The following GABRG3 variants were observed in gnomAD, a reference collection of about 807,000 sequenced individuals.
GABRG3 encodes the protein gamma-aminobutyric acid type A receptor subunit gamma3.
Under a neutral mutation model 48.8 loss-of-function variants are expected in GABRG3, and 25 were observed. That is an observed-to-expected ratio of 0.51 (90% CI 0.37 to 0.72). The LOEUF (loss-of-function observed/expected upper bound fraction) is 0.72, where lower values mean the gene tolerates loss of function less well. Among genes scored for constraint, GABRG3 ranks in the 30% least tolerant of loss-of-function variants. GABRG3 has a pLI of 0.00. For missense variants in GABRG3, 394 were observed against 577.9 expected, an observed-to-expected ratio of 0.68 and a Z score of 3.26; for synonymous variants, 227 against 217.6, an observed-to-expected ratio of 1.04 and a Z score of -0.38.
intron 5 of GABRG3, among the ~76,000 whole-genome samples, chr15:27,333,090 G>C (rs779577618): frequency 4.6e-5 from 7 of 151,978 alleles, no homozygotes; most frequent in Non-Finnish European, 8.8e-5. Flanking sequence ...TTTTGATATG[G>C]ACTCTTGGAC....
intron 5 of GABRG3, among the ~76,000 whole-genome samples, chr15:27,332,295 C>T (rs1425324585): frequency 1.3e-5 from 2 of 152,182 alleles, no homozygotes; most frequent in African/African-American, 2.4e-5. Context: ...GCGAGCAGAT[C>T]ACGAGGCCAG....
At chr15:27,141,540 A>G (rs961441648) in intron 3 of GABRG3, among the ~76,000 whole-genome samples, 1 of 152,238 alleles carries the variant, frequency 6.6e-6, no homozygotes, top group Non-Finnish European at 1.5e-5. Flanking sequence ...CCTATTCATA[A>G]GCAAAGAAAA....
chr15:27,222,383 A>G (rs1056730851), intron 3 of GABRG3, among the ~76,000 whole-genome samples: 1 of 152,352 alleles, frequency 6.6e-6, no homozygotes, highest in South Asian at 2.1e-4. Context: ...CTTAATACCA[A>G]ATAAGTATTA....
intron 2 of GABRG3, among the ~76,000 whole-genome samples, chr15:27,020,112 A>AG (rs1439502893): frequency 6.6e-6 from 1 of 152,070 alleles, no homozygotes; most frequent in Non-Finnish European, 1.5e-5. Context: ...TCTTCCACGT[A>AG]GGGGAACTGA....
chr15:27,224,804 C>G (rs1408466098), intron 3 of GABRG3, among the ~76,000 whole-genome samples: 2 of 152,204 alleles, frequency 1.3e-5, no homozygotes, highest in Non-Finnish European at 1.5e-5. Context: ...TTCCATCTAT[C>G]ATTCTGGCAG....
intron 3 of GABRG3, among the ~76,000 whole-genome samples, chr15:27,144,398 A>G (rs1898160069): frequency 2.6e-5 from 4 of 152,118 alleles, no homozygotes; most frequent in Admixed American, 2.6e-4. Context: ...CATTATTCAA[A>G]CTGTCTGGTA....
chr15:27,279,724 T>C (rs1657224081), intron 3 of GABRG3, among the ~76,000 whole-genome samples: 1 of 152,156 alleles, frequency 6.6e-6, no homozygotes, highest in South Asian at 2.1e-4. Flanking sequence ...TTCTTCTCTT[T>C]AAAAAATTTT....
intron 5 of GABRG3, among the ~76,000 whole-genome samples, chr15:27,351,882 GAT>G (rs1894621676): frequency 6.9e-6 from 1 of 144,426 alleles, no homozygotes; most frequent in Non-Finnish European, 1.5e-5. Flanking sequence ...GCGTATGTAT[GAT>G]GTGTGTGTAT....
At chr15:27,054,336 G>A (rs1242362032) in intron 3 of GABRG3, among the ~76,000 whole-genome samples, 1 of 152,088 alleles carries the variant, frequency 6.6e-6, no homozygotes, top group African/African-American at 2.4e-5. Context: ...TGGGAGATGG[G>A]ACCGATCAAA....
chr15:27,191,865 G>A (rs924594327), intron 3 of GABRG3, among the ~76,000 whole-genome samples: 2 of 151,846 alleles, frequency 1.3e-5, no homozygotes, highest in African/African-American at 2.4e-5. Flanking sequence ...GGCTGGTACC[G>A]GTTTTTCCTT....
intron 3 of GABRG3, among the ~76,000 whole-genome samples, chr15:27,304,325 A>G (rs953474165): frequency 6.6e-6 from 1 of 151,998 alleles, no homozygotes; most frequent in Non-Finnish European, 1.5e-5. Context: ...ATCTACAAAA[A>G]GTCTCCCAAA....
chr15:27,112,337 C>T (rs1446487467), intron 3 of GABRG3, among the ~76,000 whole-genome samples: 1 of 152,154 alleles, frequency 6.6e-6, no homozygotes, highest in Non-Finnish European at 1.5e-5. Flanking sequence ...GGAGTAACAA[C>T]ATCCTAGCTC....
chr15:27,512,943 A>G (rs1400792761), intron 6 of GABRG3, among the ~76,000 whole-genome samples: 4 of 152,192 alleles, frequency 2.6e-5, no homozygotes, highest in Non-Finnish European at 5.9e-5. Context: ...GTAAAACACT[A>G]CAAATGCTGA....
At chr15:27,274,612 G>T (rs187618485) in intron 3 of GABRG3, among the ~76,000 whole-genome samples, 2 of 151,976 alleles carry the variant, frequency 1.3e-5, no homozygotes, top group East Asian at 1.9e-4. Context: ...ACCACACTGG[G>T]GATCAAATTT....
In GABRG3 at chr15:27,162,222, C is replaced by T. The variant is rs117537113; in HGVS notation, c.270+135401C>T. Among the ~76,000 whole-genome samples, 389 of 152,170 alleles carry T rather than the reference C, an allele frequency of 2.6e-3. 2 individuals are homozygous for T. Among genetic ancestry groups the T allele is most frequent in the Non-Finnish European group, 4.2e-3 (284 of 67,986 alleles). ...CCTGGGAGAGAGCCCAACCCAAGGA[C>T]GGTGAACTTGATTCATTAGCAAAGC... On this transcript the variant is annotated intron_variant, in intron 3 of 9. Coordinates refer to ENST00000615808, the MANE Select transcript of GABRG3 (RefSeq NM_033223.5).
intron 6 of GABRG3, among the ~76,000 whole-genome samples, chr15:27,493,091 C>A (rs1031545174): frequency 1.3e-5 from 2 of 152,010 alleles, no homozygotes; most frequent in African/African-American, 4.8e-5. Context: ...GATGCATATT[C>A]CAAATGATTT....
At chr15:27,316,059 A>T (rs1334576562) in intron 3 of GABRG3, among the ~76,000 whole-genome samples, 1 of 152,188 alleles carries the variant, frequency 6.6e-6, no homozygotes, top group Non-Finnish European at 1.5e-5. Context: ...ATTCTGCTTT[A>T]TAATTAAATG....
At chr15:27,530,925 A>T (rs1442298326) in intron 9 of GABRG3, 1 of 339,082 alleles carries the variant, frequency 2.9e-6, no homozygotes, top group Non-Finnish European at 5.9e-6. Flanking sequence ...TTTCAACCGG[A>T]GGTTGTCAAA....
At chr15:27,258,719 C>T (rs1890691825) in intron 3 of GABRG3, among the ~76,000 whole-genome samples, 1 of 152,188 alleles carries the variant, frequency 6.6e-6, no homozygotes, top group Admixed American at 6.5e-5. Flanking sequence ...TATCCACCAC[C>T]TCAAATATTT....
Sources: gnomAD v4.1 joint callset for allele counts (sites outside exome capture counted in the v4.1 genomes callset) on GRCh38, gnomAD v4.1.1 for gene constraint, MANE v1.5 for transcripts, NCBI Gene and HGNC (gene_info 2026-07-23, HGNC 2026-07-21) for gene names.